The following APOBEC3B variants were observed in gnomAD, a reference collection of about 807,000 sequenced individuals.
The protein encoded by APOBEC3B is DNA dC->dU-editing enzyme APOBEC-3B.
In APOBEC3B, 29 loss-of-function variants were observed where a neutral mutation model predicts 53.4. That is an observed-to-expected ratio of 0.54 (90% confidence interval 0.40 to 0.74). The LOEUF is 0.74. Among genes scored for constraint, APOBEC3B ranks in the 30% least tolerant of loss-of-function variants. The pLI, the probability that APOBEC3B is intolerant of heterozygous loss-of-function variation, is 0.00. For missense variants in APOBEC3B, 347 were observed against 496.2 expected (o/e 0.70, Z 2.86); for synonymous variants, 132 against 184.8 (o/e 0.71, Z 2.32).
At position 38,986,395 on chromosome 22, in the gene APOBEC3B, G is replaced by C; in HGVS notation, c.552G>C (p.Thr184=). 6.9e-6 allele frequency: 11 copies of C among 1,593,542 alleles called. No homozygotes were observed. Among genetic ancestry groups the C allele is most frequent in the Non-Finnish European group, 8.5e-6 (10 of 1,172,430 alleles). Residue 184 remains threonine, a synonymous_variant, in exon 4 of 8, where the codon ACG becomes ACC. Transcript: ENST00000333467. Reference sequence around the variant, plus strand: ...AAAATTATGCATTCCTGCACCGCACGCTAAAGGAGATTCTCAGGTGAGGGT... The same window carrying C: ...AAAATTATGCATTCCTGCACCGCACCCTAAAGGAGATTCTCAGGTGAGGGT... ...FDENYAFLHR[T]LKEILRYLMD...
At chr22:38,992,193 C>G in intron 7 of APOBEC3B, 44 bp downstream of exon 7, 1 of 1,571,214 alleles carries the variant, frequency 6.4e-7, no homozygotes, top group Non-Finnish European at 8.6e-7. Flanking sequence ...CGGCCTCCCC[C>G]TCCTCCCCGC....
rs1207210354 is a variant in APOBEC3B at position 38,990,761 on chromosome 22, C to G, written c.724-571C>G. On this transcript the variant is annotated intron_variant, in intron 5 of 7. Transcript: ENST00000333467. ...AGGGGAGTTGATGAGTAGAGCAGGT[C>G]AATCTCCCCTTGAAGGAAGCACACT... 2.1e-5 allele frequency among the ~76,000 whole-genome samples: 3 copies of G among 145,880 alleles called. 1 individual carries two copies.
chr22:38,983,059 T>C (rs28401571), intron 1 of APOBEC3B, among the ~76,000 whole-genome samples: 92,693 of 147,098 alleles, frequency 0.63, 32,373 homozygotes, highest in African/African-American at 0.76. Context: ...TGGCTCACAC[T>C]TGTAATCCCA....
chr22:38,990,301 A>C (rs1247093792), intron 5 of APOBEC3B, among the ~76,000 whole-genome samples: 1 of 147,334 alleles, frequency 6.8e-6, no homozygotes, highest in African/African-American at 2.5e-5. Context: ...ACATCCTTTC[A>C]AGGGTGCCAG....
At chr22:38,985,130 C>T (rs1230291939) in intron 2 of APOBEC3B, among the ~76,000 whole-genome samples, 1 of 148,388 alleles carries the variant, frequency 6.7e-6, no homozygotes, top group Non-Finnish European at 1.5e-5. Flanking sequence ...GAATTCCTGA[C>T]CTCAGGTGAG....
At chr22:38,987,625 G>T (rs190500594) in intron 4 of APOBEC3B, among the ~76,000 whole-genome samples, 2 of 148,404 alleles carry the variant, frequency 1.3e-5, no homozygotes, top group Admixed American at 1.4e-4. Context: ...GAGAGGGTGT[G>T]GGGGAGGAAA....
rs113198031 is a variant in APOBEC3B, at chr22:38,988,763, G to A, written c.570-694G>A. On this transcript the variant is annotated intron_variant, in intron 4 of 7. Coordinates refer to ENST00000333467, the MANE Select transcript of APOBEC3B (RefSeq NM_004900.5). ...TTTCTTTCTTCCTTTCTTCTCTCTC[G>A]TCTTTCTTCTTTTGCTGCTGCCTCC... Among the ~76,000 whole-genome samples the A allele has an allele frequency of 5.5e-3, 309 of 56,254 alleles. 13 individuals carry two copies. The highest frequency in any genetic ancestry group is 0.05 in the Middle Eastern group (5 of 100). 36.9% of individuals were successfully genotyped at this position (56,254 alleles called of 152,430 possible).
intron 4 of APOBEC3B, among the ~76,000 whole-genome samples, chr22:38,987,682 G>A (rs186119084): frequency 0.015 from 2,284 of 148,504 alleles, 179 homozygotes; most frequent in Non-Finnish European, 0.022. Context: ...AGACGCCTCC[G>A]CTGTGAGCAG....
rs778031662 is a variant in APOBEC3B, at chr22:38,984,088, C to T, written c.31C>T (p.Arg11Trp). 42 of 1,579,272 alleles carry T rather than the reference C, an allele frequency of 2.7e-5. 1 individual carries two copies. The highest frequency in any genetic ancestry group is 1.2e-4 in the South Asian group (10 of 86,190). Residue 11 changes from arginine to tryptophan, a missense_variant, in exon 2 of 8, where the codon CGG (arginine) becomes TGG (tryptophan). Transcript: ENST00000333467. The stretch of plus-strand genomic sequence containing the variant: ...TTGTGCCTTCAGAAATCCGATGGAG[C>T]GGATGTATCGAGACACATTCTACGA... MNPQIRNPME[R>W]MYRDTFYDNF...
At chr22:38,986,945 G>A (rs1328322050) in intron 4 of APOBEC3B, among the ~76,000 whole-genome samples, 1 of 148,462 alleles carries the variant, frequency 6.7e-6, no homozygotes, top group Non-Finnish European at 1.5e-5. Flanking sequence ...GGGGACGGGG[G>A]GGGTCCCTGG....
Position 38,992,581 on chromosome 22 carries a change from C to T in APOBEC3B, c.*136C>T. 1.9e-6 allele frequency: 3 copies of T among 1,577,664 alleles called. No individual in the cohort carries two copies. Among genetic ancestry groups the T allele is most frequent in the South Asian group, 1.2e-5 (1 of 86,698 alleles). Reference sequence around the variant, plus strand: ...ACAGACACCAGCAAAGCAATGTGCTCCTGATCAAGTAGATTTTTTAAAAAT... The same window carrying T: ...ACAGACACCAGCAAAGCAATGTGCTTCTGATCAAGTAGATTTTTTAAAAAT... On this transcript the variant is annotated 3_prime_UTR_variant, in exon 8 of 8. Coordinates refer to ENST00000333467, the MANE Select transcript of APOBEC3B (RefSeq NM_004900.5).
chr22:38,984,407 G>A (rs1273482258), intron 2 of APOBEC3B, among the ~76,000 whole-genome samples, 176 bp downstream of exon 2: 1 of 148,584 alleles, frequency 6.7e-6, no homozygotes, highest in African/African-American at 2.4e-5. Context: ...CAAACTTACA[G>A]AAGCAGAACA....
intron 4 of APOBEC3B, among the ~76,000 whole-genome samples, chr22:38,988,086 C>T (rs1379648661): frequency 6.7e-6 from 1 of 148,624 alleles, no homozygotes; most frequent in African/African-American, 2.4e-5. Context: ...CAAGTGTTTC[C>T]AGTCCCCACA....
At chr22:38,987,354 C>T (rs1923782731) in intron 4 of APOBEC3B, among the ~76,000 whole-genome samples, 1 of 147,688 alleles carries the variant, frequency 6.8e-6, no homozygotes, top group Admixed American at 7.0e-5. Flanking sequence ...GTTGTGTGGT[C>T]GCCCCACTGC....
Position 38,986,291 on chromosome 22 carries a change from A to C in APOBEC3B, c.455-7A>C, listed in dbSNP as rs368579311. The C allele has an allele frequency of 6.3e-6, 10 of 1,592,704 alleles. No individual in the cohort carries two copies. Among genetic ancestry groups the C allele is most frequent in the Non-Finnish European group, 7.7e-6 (9 of 1,171,850 alleles). ...GAGCCTGACTGCTTCCCGCTTCTTC[A>C]TCTCAGAATTTGCATACTGCTGGGA... is the stretch of plus-strand genomic sequence containing the variant. On this transcript the variant is annotated splice_polypyrimidine_tract_variant and splice_region_variant and intron_variant, in intron 3 of 7. Coordinates refer to ENST00000333467, the MANE Select transcript of APOBEC3B (RefSeq NM_004900.5).
chr22:38,990,234 T>C (rs551757258), intron 5 of APOBEC3B, among the ~76,000 whole-genome samples: 8 of 148,072 alleles, frequency 5.4e-5, no homozygotes, highest in Non-Finnish European at 1.2e-4. Context: ...ACTGGGGGCT[T>C]CTCTGGGCTC....
chr22:38,987,703 A>G (rs1569038564), intron 4 of APOBEC3B, among the ~76,000 whole-genome samples: 1 of 148,688 alleles, frequency 6.7e-6, no homozygotes, highest in Non-Finnish European at 1.5e-5. Flanking sequence ...AGGAGGATGC[A>G]CACGACCCCA....
intron 4 of APOBEC3B, among the ~76,000 whole-genome samples, chr22:38,988,681 T>TTCTCTCTTTCTC (rs58110435): frequency 6.3e-5 from 4 of 63,628 alleles, no homozygotes; most frequent in East Asian, 1.0e-3. Flanking sequence ...CTTTCTCTCT[T>TTCTCTCTTTCTC]TCTCTTTCTT....
At position 38,984,167 on chromosome 22, in the gene APOBEC3B, A is replaced by G. The variant is rs547057305; in HGVS notation, c.110A>G (p.Tyr37Cys). 6 of 1,592,866 alleles carry G rather than the reference A, an allele frequency of 3.8e-6. 1 individual carries two copies. In the South Asian group the frequency reaches 4.5e-5, roughly 12 times the overall value. The change falls in exon 2 of 8, where the codon TAT becomes TGT. Residue 37 changes from tyrosine (Y) to cysteine (C), a missense_variant. Tyr to Cys is a radical substitution (Grantham distance 194). Coordinates refer to ENST00000333467, the MANE Select transcript of APOBEC3B (RefSeq NM_004900.5). ...GGTCGGAGCTACACTTGGCTGTGCTATGAAGTGAAAATAAAGAGGGGCCGC... is the reference window on the plus strand; with the variant it reads ...GGTCGGAGCTACACTTGGCTGTGCTGTGAAGTGAAAATAAAGAGGGGCCGC... ...LYGRSYTWLC[Y>C]EVKIKRGRSN...
Sources: gnomAD v4.1 joint callset for allele counts (sites outside exome capture counted in the v4.1 genomes callset) on GRCh38, gnomAD v4.1.1 for gene constraint, MANE v1.5 for transcripts, NCBI Gene and HGNC (gene_info 2026-07-23, HGNC 2026-07-21) for gene names.